FANCC: variants seen among roughly 807,000 people sequenced by gnomAD.
The protein encoded by FANCC is Fanconi anemia group C protein.
In FANCC, 55 loss-of-function variants were observed where a neutral mutation model predicts 71.3. The observed-to-expected ratio is 0.77, with a 90% CI of 0.62 to 0.97. The LOEUF (loss-of-function observed/expected upper bound fraction) is 0.97. Among genes scored for constraint, FANCC ranks in the 50% least tolerant of loss-of-function variants. The pLI is 0.00. For synonymous variants in FANCC, 275 were observed against 244.9 expected (o/e 1.12, Z -1.15); for missense variants, 678 against 670.9 (o/e 1.01, Z -0.12).
intron 1 of FANCC, chr9:95,293,264 C>T: frequency 6.2e-7 from 1 of 1,613,336 alleles, no homozygotes; most frequent in Non-Finnish European, 8.5e-7. Context: ...ACCCGTGATG[C>T]AGTTTTCTCT....
Position 95,244,311 on chromosome 9 carries a change from C to G in FANCC, c.250+3121G>C, listed in dbSNP as rs4647429. ...GTCAGGCTGACCTGCTTAAGTATCT[C>G]TTTTTCCCTGACTGGAAGCTCCTAA... On this transcript the variant is annotated intron_variant, in intron 3 of 14. Transcript: ENST00000289081. Among the ~76,000 whole-genome samples, 13 of 152,320 alleles carry G rather than the reference C, an allele frequency of 8.5e-5. No homozygotes were observed. The South Asian group carries it at 2.1e-3, about 24-fold the overall frequency.
At chr9:95,129,611 T>C (rs754941713) in intron 8 of FANCC, among the ~76,000 whole-genome samples, 13 of 152,230 alleles carry the variant, frequency 8.5e-5, no homozygotes, top group Non-Finnish European at 1.5e-5. Flanking sequence ...AAACCTTTTG[T>C]GGTTTCCATC....
At chr9:95,131,833 T>C (rs1335739692) in intron 8 of FANCC, among the ~76,000 whole-genome samples, 1 of 152,168 alleles carries the variant, frequency 6.6e-6, no homozygotes, top group Non-Finnish European at 1.5e-5. Context: ...AGCTGCATAC[T>C]GGGAGTCTGT....
intron 1 of FANCC, among the ~76,000 whole-genome samples, chr9:95,256,104 T>A (rs1831640799): frequency 6.6e-6 from 1 of 152,068 alleles, no homozygotes; most frequent in Non-Finnish European, 1.5e-5. Flanking sequence ...TGGAACCAAG[T>A]TGGAAAACAC....
At chr9:95,317,023 G>A (rs1451847258) in intron 1 of FANCC, 1 of 152,420 alleles carries the variant, frequency 6.6e-6, no homozygotes, top group Middle Eastern at 3.2e-3. Flanking sequence ...GGGGTTTGGG[G>A]GCAGGGGTGT....
intron 4 of FANCC, among the ~76,000 whole-genome samples, chr9:95,206,111 T>C (rs1331269862): frequency 2.0e-5 from 3 of 152,174 alleles, no homozygotes; most frequent in Admixed American, 2.0e-4. Context: ...AAAAGCATCA[T>C]ATGTAAAAAG....
intron 6 of FANCC, among the ~76,000 whole-genome samples, chr9:95,159,239 G>A (rs1197157413): frequency 1.3e-5 from 2 of 152,094 alleles, no homozygotes; most frequent in Admixed American, 1.3e-4. Flanking sequence ...GTGTCCAAGT[G>A]TTCTCATTGT....
chr9:95,289,420 G>A (rs977101378), intron 1 of FANCC, among the ~76,000 whole-genome samples: 2 of 152,062 alleles, frequency 1.3e-5, no homozygotes, highest in Admixed American at 6.6e-5. Flanking sequence ...TGAAGTGCGC[G>A]TGAGTATAGT....
intron 12 of FANCC, chr9:95,114,047 A>G (rs1020440277): frequency 1.1e-5 from 2 of 174,276 alleles, no homozygotes; most frequent in Non-Finnish European, 2.5e-5. Context: ...TGATCATTCC[A>G]CTGCACTCCA....
chr9:95,164,466 G>A (rs936965665), intron 6 of FANCC, among the ~76,000 whole-genome samples: 17 of 151,966 alleles, frequency 1.1e-4, no homozygotes, highest in African/African-American at 3.9e-4. Flanking sequence ...TTACTACATT[G>A]AGGTCATTTC....
intron 1 of FANCC, chr9:95,292,743 G>A: frequency 7.3e-7 from 1 of 1,374,002 alleles, no homozygotes; most frequent in East Asian, 2.3e-5. Flanking sequence ...TCCAATCGAA[G>A]GCTGCCCCAG....
chr9:95,294,160 G>C lies in FANCC; in HGVS notation c.-79+23366C>G, dbSNP rs918354944. ...AAGTAATCTGCCTGCTCAGACATTG[G>C]ATCATCATAGTCTTTTGTCTAACAC... is the stretch of plus-strand genomic sequence containing the variant. On this transcript the variant is annotated intron_variant, in intron 1 of 14. Transcript: ENST00000289081. 3 of 1,603,998 alleles carry C rather than the reference G, an allele frequency of 1.9e-6. No homozygotes were observed. In the African/African-American group the frequency reaches 4.0e-5, roughly 21 times the overall value.
intron 6 of FANCC, among the ~76,000 whole-genome samples, chr9:95,163,190 A>C (rs1830855922): frequency 6.6e-6 from 1 of 152,242 alleles, no homozygotes; most frequent in South Asian, 2.1e-4. Flanking sequence ...TTGAAGAGAC[A>C]ATCTTTTCCC....
chr9:95,277,347 A>G lies in FANCC; in HGVS notation c.-78-27978T>C, dbSNP rs1305474352. On this transcript the variant is annotated intron_variant, in intron 1 of 14. Transcript: ENST00000289081. ...AAACATAATGTATGCATATTTCAAA[A>G]TAACTAGAAGTGAGGATTTTGAAAG... 3.3e-5 allele frequency among the ~76,000 whole-genome samples: 5 copies of G among 152,214 alleles called. No individual in the cohort carries two copies. In the South Asian group the frequency reaches 6.2e-4, roughly 19 times the overall value.
intron 10 of FANCC, among the ~76,000 whole-genome samples, chr9:95,119,686 T>C (rs1054791442): frequency 2.0e-5 from 3 of 151,980 alleles, no homozygotes; most frequent in African/African-American, 7.3e-5. Flanking sequence ...TTCTTAATGA[T>C]ATCTATCAAA....
intron 4 of FANCC, among the ~76,000 whole-genome samples, chr9:95,217,980 G>A (rs577988236): frequency 6.6e-6 from 1 of 152,164 alleles, no homozygotes; most frequent in African/African-American, 2.4e-5. Context: ...CAATAAACTT[G>A]ACAACAAAGA....
At chr9:95,242,797 G>T (rs1830715322) in intron 3 of FANCC, among the ~76,000 whole-genome samples, 1 of 152,176 alleles carries the variant, frequency 6.6e-6, no homozygotes, top group Non-Finnish European at 1.5e-5. Flanking sequence ...ATGAGCCATG[G>T]ACTGTTATTC....
At chr9:95,224,884 C>T (rs544615424) in intron 4 of FANCC, among the ~76,000 whole-genome samples, 1 of 152,272 alleles carries the variant, frequency 6.6e-6, no homozygotes, top group African/African-American at 2.4e-5. Flanking sequence ...TTTATAACCA[C>T]TCTTTATGTC....
intron 14 of FANCC, among the ~76,000 whole-genome samples, chr9:95,104,351 G>A (rs2071280740): frequency 6.6e-6 from 1 of 152,218 alleles, no homozygotes; most frequent in African/African-American, 2.4e-5. Flanking sequence ...GTGCATGAGC[G>A]CCACACTGGC....
Sources: allele counts gnomAD v4.1 joint callset (sites outside exome capture counted in the v4.1 genomes callset), GRCh38; gene constraint gnomAD v4.1.1; transcripts MANE v1.5; gene names NCBI Gene and HGNC (gene_info 2026-07-23, HGNC 2026-07-21).